DPP10: variants seen among roughly 807,000 people sequenced by gnomAD.
DPP10 encodes inactive dipeptidyl peptidase 10.
A neutral mutation model predicts 120.9 loss-of-function variants in DPP10; 33 were observed. The observed-to-expected ratio is 0.27, with a 90% CI of 0.21 to 0.37. The LOEUF (loss-of-function observed/expected upper bound fraction) is 0.37, where lower values mean the gene tolerates loss of function less well. Ranked by LOEUF, DPP10 falls within the 10% of genes least tolerant of loss-of-function variation. The pLI, the probability that DPP10 is intolerant of heterozygous loss-of-function variation, is 1.00. For missense variants in DPP10, 816 were observed against 942.8 expected (o/e 0.87, Z 1.76); for synonymous variants, 337 against 326.1 (o/e 1.03, Z -0.36).
At chr2:114,520,295 A>G (rs151018052) in intron 1 of DPP10, among the ~76,000 whole-genome samples, 3 of 152,326 alleles carry the variant, frequency 2.0e-5, no homozygotes, top group East Asian at 3.9e-4. Context: ...GAGGCACTCA[A>G]TAGATATCTG....
chr2:114,999,423 G>A (rs747464231), intron 1 of DPP10, among the ~76,000 whole-genome samples: 13 of 152,036 alleles, frequency 8.6e-5, no homozygotes, highest in Non-Finnish European at 1.3e-4. Context: ...TTGCCATGTC[G>A]AATTATTCAC....
At chr2:114,625,914 AAAATCTAGGAGTGC>A (rs910516722) in intron 1 of DPP10, among the ~76,000 whole-genome samples, 4 of 151,954 alleles carry the variant, frequency 2.6e-5, no homozygotes, top group Admixed American at 6.6e-5. Context: ...TCTAGAGACC[AAAATCTAGGAGTGC>A]AGAATGCTTA....
At chr2:115,710,975 G>A (rs896399085) in intron 7 of DPP10, among the ~76,000 whole-genome samples, 2 of 152,078 alleles carry the variant, frequency 1.3e-5, no homozygotes, top group Admixed American at 1.3e-4. Context: ...TTTAGAATCT[G>A]TAATGTGTTA....
rs569894782 is a variant in DPP10, at chr2:115,381,332, C to T, written c.271+37420C>T. ...CTTCCATCACTAATACCCTTTCTTC[C>T]AGTTGATCGCGTCGGCTCCTGAGGC... is the stretch of plus-strand genomic sequence containing the variant. On this transcript the variant is annotated intron_variant, in intron 3 of 25. Coordinates refer to ENST00000410059, the MANE Select transcript of DPP10 (RefSeq NM_020868.6). Among the ~76,000 whole-genome samples the T allele has an allele frequency of 2.0e-5, 3 of 152,290 alleles. No homozygotes were observed. The East Asian group carries it at 5.8e-4, about 29-fold the overall frequency.
intron 3 of DPP10, among the ~76,000 whole-genome samples, chr2:115,373,359 G>A (rs1436402246): frequency 2.0e-5 from 3 of 152,176 alleles, no homozygotes; most frequent in African/African-American, 4.8e-5. Flanking sequence ...TGAGTGGGGA[G>A]TCAAAGTTAA....
intron 1 of DPP10, among the ~76,000 whole-genome samples, chr2:114,763,606 TTA>T (rs1680463504): frequency 1.3e-5 from 2 of 152,190 alleles, no homozygotes; most frequent in Non-Finnish European, 2.9e-5. Context: ...TCGTGGTCTA[TTA>T]TATATGATAA....
intron 1 of DPP10, among the ~76,000 whole-genome samples, chr2:115,039,361 A>G (rs1049671172): frequency 2.6e-4 from 40 of 152,352 alleles, no homozygotes; most frequent in African/African-American, 8.7e-4. Context: ...TAATTGTCAA[A>G]CATAGTGAAA....
intron 3 of DPP10, among the ~76,000 whole-genome samples, chr2:115,359,171 A>G (rs984992341): frequency 6.6e-6 from 1 of 152,142 alleles, no homozygotes. Context: ...TGACCCTGTG[A>G]TCATGTTATT....
At chr2:115,786,387 T>A (rs1253886992) in intron 17 of DPP10, among the ~76,000 whole-genome samples, 1 of 152,198 alleles carries the variant, frequency 6.6e-6, no homozygotes, top group African/African-American at 2.4e-5. Context: ...AACTCTTATG[T>A]TTTCTAAGTA....
chr2:115,233,437 A>G (rs1312853938), intron 1 of DPP10, among the ~76,000 whole-genome samples: 3 of 152,166 alleles, frequency 2.0e-5, no homozygotes, highest in Admixed American at 6.6e-5. Context: ...GTGTGATTAT[A>G]AGACCTCTTT....
intron 1 of DPP10, among the ~76,000 whole-genome samples, chr2:115,179,646 A>G (rs766938992): frequency 1.6e-4 from 25 of 152,214 alleles, no homozygotes; most frequent in Non-Finnish European, 3.7e-4. Context: ...GTTTGCAAAG[A>G]AAAATTACCT....
chr2:114,730,975 A>G (rs1238744439), intron 1 of DPP10, among the ~76,000 whole-genome samples: 6 of 151,402 alleles, frequency 4.0e-5, no homozygotes, highest in African/African-American at 4.9e-5. Context: ...TGATCCACAC[A>G]TAGCCTTGGC....
intron 3 of DPP10, among the ~76,000 whole-genome samples, chr2:115,465,174 C>T (rs994375544): frequency 9.2e-5 from 14 of 152,192 alleles, no homozygotes; most frequent in Admixed American, 2.6e-4. Context: ...GTATTGCCAT[C>T]GACACTTTGT....
chr2:114,515,564 C>T (rs892950927), intron 1 of DPP10, among the ~76,000 whole-genome samples: 1 of 152,116 alleles, frequency 6.6e-6, no homozygotes, highest in African/African-American at 2.4e-5. Context: ...TAGTACAACA[C>T]CCAACCTAAA....
chr2:114,504,958 A>T (rs1394423914), intron 1 of DPP10, among the ~76,000 whole-genome samples: 2 of 148,622 alleles, frequency 1.3e-5, no homozygotes, highest in Non-Finnish European at 3.0e-5. Flanking sequence ...AGGCTGACTC[A>T]GGAGAATCGC....
intron 1 of DPP10, among the ~76,000 whole-genome samples, chr2:114,505,642 C>T (rs569898083): frequency 6.5e-4 from 99 of 152,190 alleles, no homozygotes; most frequent in African/African-American, 2.1e-3. Context: ...CTCCATTTTA[C>T]AAATAATGGC....
chr2:114,893,642 C>G (rs1482210795), intron 1 of DPP10, among the ~76,000 whole-genome samples: 1 of 152,090 alleles, frequency 6.6e-6, no homozygotes, highest in Non-Finnish European at 1.5e-5. Context: ...ATATGGGGAG[C>G]AGTGATTTCA....
At chr2:114,930,712 A>G (rs1696004268) in intron 1 of DPP10, among the ~76,000 whole-genome samples, 1 of 152,194 alleles carries the variant, frequency 6.6e-6, no homozygotes, top group Non-Finnish European at 1.5e-5. Context: ...GCTGTACAAG[A>G]AGCATGGCAG....
intron 1 of DPP10, among the ~76,000 whole-genome samples, chr2:115,168,254 C>A (rs1213880909): frequency 6.6e-6 from 1 of 152,146 alleles, no homozygotes; most frequent in African/African-American, 2.4e-5. Flanking sequence ...TTCATACTTG[C>A]TAAGTGACTT....
Sources: allele counts gnomAD v4.1 joint callset (sites outside exome capture counted in the v4.1 genomes callset), GRCh38; gene constraint gnomAD v4.1.1; transcripts MANE v1.5; gene names NCBI Gene and HGNC (gene_info 2026-07-23, HGNC 2026-07-21).